SCP2: variants seen among roughly 807,000 people sequenced by gnomAD.
SCP2 encodes SCP-2/3-oxoacyl-CoA thiolase.
In SCP2, 48 loss-of-function variants were observed where a neutral mutation model predicts 71.4. The observed-to-expected ratio is 0.67, with a 90% CI of 0.53 to 0.86. The LOEUF is 0.86. SCP2 is among the 40% of genes least tolerant of loss of function. The pLI is 0.00. For synonymous variants in SCP2, 220 were observed against 218.1 expected (o/e 1.01, Z -0.08); for missense variants, 560 against 655.6 (o/e 0.85, Z 1.59).
chr1:53,027,926 T>G (rs1471125778), intron 12 of SCP2, 43 bp from the exon 13 acceptor site: 1 of 1,056,786 alleles, frequency 9.5e-7, no homozygotes, highest in South Asian at 1.3e-5. Flanking sequence ...AAAAACCTAG[T>G]ACCTATGTGA....
rs114885675 is a variant in SCP2, at chr1:52,930,284, A to T, written c.69+2819A>T. ...AATTTGTTAAAGCAACGCTTATTAC[A>T]TGTGATGAACTCTTGGTATCCCTAA... is the stretch of plus-strand genomic sequence containing the variant. On this transcript the variant is annotated intron_variant, in intron 1 of 15. Transcript: ENST00000371514. Among the ~76,000 whole-genome samples, 777 of 151,952 alleles carry T rather than the reference A, an allele frequency of 5.1e-3. 8 individuals are homozygous for T. The highest frequency in any genetic ancestry group is 0.018 in the African/African-American group (757 of 41,438).
At chr1:53,013,349 G>T (rs1661105246) in intron 11 of SCP2, among the ~76,000 whole-genome samples, 1 of 150,142 alleles carries the variant, frequency 6.7e-6, no homozygotes, top group East Asian at 2.0e-4. Flanking sequence ...ACTTGGGGAG[G>T]CCAAGGTGGG....
At chr1:52,950,682 A>ACC (rs1655207101) in intron 3 of SCP2, 73 bp from the exon 4 acceptor site, 16 of 1,231,642 alleles carry the variant, frequency 1.3e-5, no homozygotes, top group Non-Finnish European at 1.9e-5. Context: ...TATTGAAAAA[A>ACC]CCCATAATGT....
chr1:52,980,329 C>A, intron 9 of SCP2, 67 bp from the exon 10 acceptor site: 1 of 1,426,394 alleles, frequency 7.0e-7, no homozygotes, highest in Non-Finnish European at 9.7e-7. Flanking sequence ...ATCTATTAAT[C>A]TCTTAAAATA....
intron 11 of SCP2, among the ~76,000 whole-genome samples, chr1:53,005,676 A>G (rs1223809161): frequency 6.6e-6 from 1 of 152,250 alleles, no homozygotes; most frequent in Non-Finnish European, 1.5e-5. Context: ...AGGAGAAACT[A>G]GAGCAGAAAA....
At chr1:53,009,475 C>G (rs1347071232) in intron 11 of SCP2, among the ~76,000 whole-genome samples, 2 of 152,132 alleles carry the variant, frequency 1.3e-5, no homozygotes, top group African/African-American at 4.8e-5. Context: ...TAATACCACA[C>G]ATCTACAACC....
chr1:52,954,723 T>G lies in SCP2; in HGVS notation c.332-17T>G. On this transcript the variant is annotated splice_polypyrimidine_tract_variant and intron_variant, in intron 4 of 15. Coordinates refer to ENST00000371514, the MANE Select transcript of SCP2 (RefSeq NM_002979.5). ...TTGGAAATTTGAATTTTCAAAATAATTACGTTTTCCTTTAAGGTGTGGCAG... is the reference window on the plus strand; with the variant it reads ...TTGGAAATTTGAATTTTCAAAATAAGTACGTTTTCCTTTAAGGTGTGGCAG... 1 of 1,608,430 alleles carries G rather than the reference T, an allele frequency of 6.2e-7. No homozygotes were observed. Among genetic ancestry groups the G allele is most frequent in the Non-Finnish European group, 8.5e-7 (1 of 1,174,782 alleles).
chr1:52,930,550 T>TG (rs1478524963), intron 1 of SCP2, among the ~76,000 whole-genome samples: 7 of 151,976 alleles, frequency 4.6e-5, no homozygotes, highest in Admixed American at 2.6e-4. Flanking sequence ...CACCTGAGCC[T>TG]GGGAGGTTGA....
chr1:52,985,413 T>C (rs1658899960), intron 10 of SCP2, among the ~76,000 whole-genome samples: 1 of 152,178 alleles, frequency 6.6e-6, no homozygotes, highest in South Asian at 2.1e-4. Flanking sequence ...TCCTGTTGGC[T>C]ATGGACTCTA....
intron 13 of SCP2, among the ~76,000 whole-genome samples, chr1:53,038,482 A>AT (rs1272109978): frequency 6.6e-6 from 1 of 151,988 alleles, no homozygotes; most frequent in African/African-American, 2.4e-5. Flanking sequence ...ATAGCTCACC[A>AT]TAACCTCAAA....
chr1:52,962,803 A>G (rs1490038786), intron 6 of SCP2, among the ~76,000 whole-genome samples: 1 of 151,932 alleles, frequency 6.6e-6, no homozygotes, highest in African/African-American at 2.4e-5. Context: ...AGAACTTCCT[A>G]TTCACTATCT....
rs1295286734 is a variant in SCP2, at chr1:53,030,778, T to C, written c.1338+2707T>C. Reference sequence around the variant, plus strand: ...ATGATGGCGCAGTCCCAGATAGCTGTAGTCCCAGCTACTAGAGAGGCTGAG... The same window carrying C: ...ATGATGGCGCAGTCCCAGATAGCTGCAGTCCCAGCTACTAGAGAGGCTGAG... On this transcript the variant is annotated intron_variant, in intron 13 of 15. Transcript: ENST00000371514. 2.6e-5 allele frequency among the ~76,000 whole-genome samples: 4 copies of C among 151,984 alleles called. No homozygotes were observed. In the East Asian group the frequency reaches 7.7e-4, roughly 29 times the overall value.
intron 12 of SCP2, among the ~76,000 whole-genome samples, chr1:53,027,589 C>T (rs914186872): frequency 6.6e-6 from 1 of 152,158 alleles, no homozygotes; most frequent in African/African-American, 2.4e-5. Context: ...ACTGCAACCT[C>T]CGCCTCCTAG....
intron 5 of SCP2, among the ~76,000 whole-genome samples, 161 bp from the exon 6 acceptor site, chr1:52,961,342 A>C (rs1322964009): frequency 2.0e-5 from 3 of 151,084 alleles, no homozygotes; most frequent in African/African-American, 7.3e-5. Context: ...TCTTCTTCCC[A>C]TGTTTCCCTG....
chr1:53,039,072 AG>A, intron 14 of SCP2, 26 bp downstream of exon 14: 1 of 1,613,914 alleles, frequency 6.2e-7, no homozygotes, highest in Non-Finnish European at 8.5e-7. Context: ...ACTTCATTCT[AG>A]GAGCACTGAC....
rs79397566 is a variant in SCP2 at position 53,022,118 on chromosome 1, T to C, written c.1236-5851T>C. On this transcript the variant is annotated intron_variant, in intron 12 of 15. Transcript: ENST00000371514. ...TTTCGTCACCTCAAGAGAAAGTGTG[T>C]ACCCATTAGTAATCCCTCCTTCTTG... Among the ~76,000 whole-genome samples the C allele has an allele frequency of 6.2e-3, 950 of 152,366 alleles. 16 individuals are homozygous for C. Among genetic ancestry groups the C allele is most frequent in the African/African-American group, 0.022 (913 of 41,590 alleles).
intron 2 of SCP2, among the ~76,000 whole-genome samples, chr1:52,942,950 C>T (rs952789004): frequency 6.6e-6 from 1 of 152,086 alleles, no homozygotes; most frequent in Admixed American, 6.5e-5. Context: ...GATCCACCGA[C>T]CTCGGCCTCC....
chr1:53,041,588 A>C (rs1663438956), intron 14 of SCP2, among the ~76,000 whole-genome samples: 1 of 152,156 alleles, frequency 6.6e-6, no homozygotes, highest in African/African-American at 2.4e-5. Flanking sequence ...TCAGAAACAG[A>C]GAGAGCCATC....
At chr1:53,030,468 T>C (rs1557621865) in intron 13 of SCP2, among the ~76,000 whole-genome samples, 1 of 152,204 alleles carries the variant, frequency 6.6e-6, no homozygotes, top group Non-Finnish European at 1.5e-5. Flanking sequence ...ACATTACCAA[T>C]TCATGAGAGT....
Sources: allele counts gnomAD v4.1 joint callset (sites outside exome capture counted in the v4.1 genomes callset), GRCh38; gene constraint gnomAD v4.1.1; transcripts MANE v1.5; gene names NCBI Gene and HGNC (gene_info 2026-07-23, HGNC 2026-07-21).